EPHA4: variants seen among roughly 807,000 people sequenced by gnomAD.
EPHA4 encodes ephrin type-A receptor 4.
A neutral mutation model predicts 108.3 loss-of-function variants in EPHA4; 19 were observed. That is an observed-to-expected ratio of 0.18 (90% CI 0.12 to 0.26). EPHA4 has a LOEUF of 0.26. Among genes scored for constraint, EPHA4 ranks in the 10% least tolerant of loss-of-function variants. The probability of loss-of-function intolerance (pLI) is 1.00; values close to 1 mark genes in which losing one functional copy is unlikely to be tolerated. For synonymous variants in EPHA4, 449 were observed against 455.5 expected, an observed-to-expected ratio of 0.99 and a Z score of 0.18; for missense variants, 917 against 1,254.0, an observed-to-expected ratio of 0.73 and a Z score of 4.06.
intron 5 of EPHA4, among the ~76,000 whole-genome samples, chr2:221,474,102 T>C (rs1295109339): frequency 1.3e-5 from 2 of 152,220 alleles, no homozygotes; most frequent in African/African-American, 4.8e-5. Flanking sequence ...TTATATGCAA[T>C]AATTACCACT....
At chr2:221,472,890 T>C (rs1691534130) in intron 5 of EPHA4, among the ~76,000 whole-genome samples, 1 of 152,140 alleles carries the variant, frequency 6.6e-6, no homozygotes, top group African/African-American at 2.4e-5. Context: ...TTCGTTTAGA[T>C]CAGGCCTACC....
At chr2:221,521,715 C>A (rs1019151268) in intron 3 of EPHA4, among the ~76,000 whole-genome samples, 2 of 152,096 alleles carry the variant, frequency 1.3e-5, no homozygotes, top group African/African-American at 2.4e-5. Flanking sequence ...TGACTCACAC[C>A]TATAATCTCA....
chr2:221,434,122 T>A lies in EPHA4; in HGVS notation c.2496+20A>T. On this transcript the variant is annotated intron_variant, in intron 14 of 17. Coordinates refer to ENST00000281821, the MANE Select transcript of EPHA4 (RefSeq NM_004438.5). ...TGAATCTCAATGTGAAAAAATATAT[T>A]TCAGAACATAGAGACTTACATCTTG... 1 of 1,602,922 alleles carries A rather than the reference T, an allele frequency of 6.2e-7. No individual in the cohort carries two copies. Among genetic ancestry groups the A allele is most frequent in the Non-Finnish European group, 8.5e-7 (1 of 1,174,474 alleles).
chr2:221,486,014 G>A (rs1200715987), intron 4 of EPHA4, among the ~76,000 whole-genome samples: 1 of 152,176 alleles, frequency 6.6e-6, no homozygotes, highest in East Asian at 1.9e-4. Flanking sequence ...TTTCATTTAT[G>A]TAAGTATTGT....
intron 5 of EPHA4, among the ~76,000 whole-genome samples, chr2:221,478,161 C>T (rs58288172): frequency 0.017 from 2,565 of 151,956 alleles, 82 homozygotes; most frequent in African/African-American, 0.058. Context: ...GGGAGATGAA[C>T]GGCAAAAAAC....
Position 221,556,731 on chromosome 2 carries a change from A to G in EPHA4, c.823+7000T>C, listed in dbSNP as rs189475099. 4.4e-3 allele frequency among the ~76,000 whole-genome samples: 673 copies of G among 152,262 alleles called. 5 individuals are homozygous for G. The highest frequency in any genetic ancestry group is 0.015 in the African/African-American group (636 of 41,552). On this transcript the variant is annotated intron_variant, in intron 3 of 17. Transcript: ENST00000281821. ...CCTACCGAAGGTACAGTACAGTAAG[A>G]TATTTTTGAGAAAGGGATAGAAAAA...
chr2:221,528,980 AAACAAC>A (rs538267906), intron 3 of EPHA4, among the ~76,000 whole-genome samples: 3 of 152,096 alleles, frequency 2.0e-5, no homozygotes, highest in African/African-American at 4.8e-5. Flanking sequence ...AAACAAAACA[AAACAAC>A]AACAACAACA....
At chr2:221,520,205 C>CT (rs1693117866) in intron 3 of EPHA4, among the ~76,000 whole-genome samples, 1 of 152,218 alleles carries the variant, frequency 6.6e-6, no homozygotes, top group Non-Finnish European at 1.5e-5. Flanking sequence ...CAATTTGTCC[C>CT]TCAAACATCC....
intron 4 of EPHA4, among the ~76,000 whole-genome samples, chr2:221,495,937 T>C (rs1356550267): frequency 6.6e-6 from 1 of 152,082 alleles, no homozygotes; most frequent in Non-Finnish European, 1.5e-5. Flanking sequence ...AATGCTGGGG[T>C]TAAAGACAGC....
At chr2:221,422,049 G>A (rs1177743276) in intron 17 of EPHA4, 1 of 150,990 alleles carries the variant, frequency 6.6e-6, no homozygotes, top group Non-Finnish European at 1.5e-5. Flanking sequence ...AGACCAGCCT[G>A]GGCAAAAGAG....
intron 3 of EPHA4, among the ~76,000 whole-genome samples, chr2:221,511,961 G>C (rs1020829786): frequency 2.6e-5 from 4 of 151,892 alleles, no homozygotes; most frequent in African/African-American, 9.7e-5. Flanking sequence ...TAATACCTAG[G>C]GCTCTACAAA....
intron 2 of EPHA4, among the ~76,000 whole-genome samples, chr2:221,566,773 GAGAAGA>G (rs535590485): frequency 6.7e-6 from 1 of 148,372 alleles, no homozygotes; most frequent in African/African-American, 2.5e-5. Context: ...AGCAGCTCTG[GAGAAGA>G]AGAAGAAGGA....
chr2:221,527,986 C>A (rs1349903875), intron 3 of EPHA4, among the ~76,000 whole-genome samples: 1 of 152,132 alleles, frequency 6.6e-6, no homozygotes, highest in Non-Finnish European at 1.5e-5. Flanking sequence ...AGTGTTTATA[C>A]ATCTTTCCCA....
At position 221,436,560 on chromosome 2, in the gene EPHA4, C is replaced by T. The variant is rs1166784898; in HGVS notation, c.2185G>A (p.Gly729Ser). The stretch of plus-strand genomic sequence containing the variant: ...AAATACTTCATCCCAGACCCAATGC[C>T]ACGAAGCATGCCCACCAGCTGAATG... ...TVIQLVGMLR[G>S]IGSGMKYLSD... The change falls in exon 13 of 18, where the codon GGC becomes AGC. Residue 729 changes from glycine (G) to serine (S), a missense_variant. Coordinates refer to ENST00000281821, the MANE Select transcript of EPHA4 (RefSeq NM_004438.5). The T allele has an allele frequency of 3.7e-6, 6 of 1,614,084 alleles. No individual in the cohort carries two copies. The highest frequency in any genetic ancestry group is 5.1e-6 in the Non-Finnish European group (6 of 1,180,044).
chr2:221,430,707 C>CCCCT (rs1690046187), intron 14 of EPHA4, among the ~76,000 whole-genome samples: 2 of 152,314 alleles, frequency 1.3e-5, no homozygotes, highest in East Asian at 1.9e-4. Flanking sequence ...GATTACTCTA[C>CCCCT]CCCTAGACAC....
At chr2:221,440,798 A>C (rs926745642) in intron 11 of EPHA4, among the ~76,000 whole-genome samples, 1 of 152,202 alleles carries the variant, frequency 6.6e-6, no homozygotes, top group Admixed American at 6.5e-5. Flanking sequence ...TCCATTTTAC[A>C]GATGAGAAAA....
chr2:221,510,520 A>C (rs1321124953), intron 3 of EPHA4, among the ~76,000 whole-genome samples: 1 of 152,210 alleles, frequency 6.6e-6, no homozygotes, highest in Non-Finnish European at 1.5e-5. Context: ...ACAACGAAAA[A>C]AAGTGACAGA....
At chr2:221,466,868 G>A (rs967965731) in intron 5 of EPHA4, among the ~76,000 whole-genome samples, 19 of 151,558 alleles carry the variant, frequency 1.3e-4, no homozygotes, top group Non-Finnish European at 2.8e-4. Context: ...TACAGAAAGC[G>A]GCTGATCTCT....
chr2:221,488,955 C>G (rs1441773271), intron 4 of EPHA4, among the ~76,000 whole-genome samples: 1 of 152,194 alleles, frequency 6.6e-6, no homozygotes, highest in Non-Finnish European at 1.5e-5. Flanking sequence ...AACACAGTTG[C>G]TGGCTTATGT....
Sources: gnomAD v4.1 joint callset for allele counts (sites outside exome capture counted in the v4.1 genomes callset) on GRCh38, gnomAD v4.1.1 for gene constraint, MANE v1.5 for transcripts, NCBI Gene and HGNC (gene_info 2026-07-23, HGNC 2026-07-21) for gene names.